The following DAB1 variants were observed in gnomAD, a reference collection of about 807,000 sequenced individuals.
The protein encoded by DAB1 is DAB adaptor protein 1, also known as disabled homolog 1.
A neutral mutation model predicts 64.6 loss-of-function variants in DAB1; 15 were observed. That is an observed-to-expected ratio of 0.23 (90% confidence interval 0.16 to 0.36). The LOEUF (loss-of-function observed/expected upper bound fraction) is 0.36, where lower values mean the gene tolerates loss of function less well. Among genes scored for constraint, DAB1 ranks in the 10% least tolerant of loss-of-function variants. The pLI, the probability that DAB1 is intolerant of heterozygous loss-of-function variation, is 1.00. For synonymous variants in DAB1, 235 were observed against 251.9 expected (o/e 0.93, Z 0.64); for missense variants, 596 against 706.7 (o/e 0.84, Z 1.78).
rs1157711297 is a variant in DAB1 at position 57,043,554 on chromosome 1, A to T, written c.724-17511T>A. On this transcript the variant is annotated intron_variant, in intron 9 of 14. Transcript: ENST00000371236. ...GAGAGGTCAAAGTGGTCTTTAAAAA[A>T]TATCAGATGAGGCCGGGCGCGGCGG... 2.0e-5 allele frequency among the ~76,000 whole-genome samples: 3 copies of T among 152,348 alleles called. No individual in the cohort carries two copies. The East Asian group carries it at 5.8e-4, about 29-fold the overall frequency.
intron 5 of DAB1, among the ~76,000 whole-genome samples, chr1:57,896,575 G>A (rs1644395263): frequency 6.6e-6 from 1 of 152,094 alleles, no homozygotes; most frequent in South Asian, 2.1e-4. Flanking sequence ...ACCAGTCTCT[G>A]ACCAAACCCC....
chr1:57,032,730 A>G (rs774491116), intron 9 of DAB1, among the ~76,000 whole-genome samples: 40 of 152,176 alleles, frequency 2.6e-4, no homozygotes, highest in Non-Finnish European at 4.7e-4. Context: ...GATGATTCCA[A>G]TTTGATGCCA....
At position 58,183,830 on chromosome 1, in the gene DAB1, C is replaced by T. The variant is rs138286900; in HGVS notation, n.310-33242G>A. ...CCCCCAGATTGTACAGCCACTAATG[C>T]TTGCAATCAGTTTTTCTTTTATTCC... On this transcript the variant is annotated intron_variant and non_coding_transcript_variant, in intron 4 of 20. Transcript: ENST00000485760. Among the ~76,000 whole-genome samples, 9 of 152,120 alleles carry T rather than the reference C, an allele frequency of 5.9e-5. No homozygotes were observed. The East Asian group carries it at 1.7e-3, about 29-fold the overall frequency.
intron 5 of DAB1, among the ~76,000 whole-genome samples, chr1:57,989,693 G>A (rs1032081588): frequency 1.3e-5 from 2 of 152,126 alleles, no homozygotes; most frequent in African/African-American, 2.4e-5. Context: ...CAAACATGGG[G>A]CACCAGGGCT....
intron 6 of DAB1, among the ~76,000 whole-genome samples, chr1:57,691,727 G>C (rs926575533): frequency 3.3e-5 from 5 of 152,110 alleles, no homozygotes; most frequent in African/African-American, 1.2e-4. Flanking sequence ...CTTCATTCTT[G>C]AAGTCAGCAA....
chr1:57,612,136 C>T (rs149907510), intron 7 of DAB1, among the ~76,000 whole-genome samples: 69 of 152,202 alleles, frequency 4.5e-4, no homozygotes, highest in Non-Finnish European at 7.4e-4. Context: ...AAAATAGCTC[C>T]TGTCTTGCTC....
At chr1:57,884,370 G>A (rs527679951), upstream of DAB1, among the ~76,000 whole-genome samples, 2 of 152,176 alleles carry the variant, frequency 1.3e-5, no homozygotes, top group African/African-American at 4.8e-5. Flanking sequence ...AACTTGTGAG[G>A]GTCTCTGTGC....
At chr1:57,162,240 A>G (rs1660824712) in intron 2 of DAB1, among the ~76,000 whole-genome samples, 1 of 152,176 alleles carries the variant, frequency 6.6e-6, no homozygotes, top group Non-Finnish European at 1.5e-5. Context: ...TGCAAAATTT[A>G]CCTCTCTGGT....
intron 5 of DAB1, among the ~76,000 whole-genome samples, chr1:58,017,844 G>T (rs749358343): frequency 3.3e-5 from 5 of 152,312 alleles, no homozygotes; most frequent in Non-Finnish European, 7.3e-5. Flanking sequence ...TCTAGGTGGG[G>T]CTGGAAGACA....
intron 5 of DAB1, among the ~76,000 whole-genome samples, chr1:58,108,701 G>A (rs1651805293): frequency 6.6e-6 from 1 of 152,114 alleles, no homozygotes; most frequent in Admixed American, 6.5e-5. Flanking sequence ...TTATTCTGGG[G>A]AATGGCTTCA....
intron 3 of DAB1, among the ~76,000 whole-genome samples, chr1:58,396,194 C>A (rs544719041): frequency 9.9e-4 from 150 of 152,118 alleles, no homozygotes; most frequent in Admixed American, 4.8e-3. Context: ...CACTTCAAGT[C>A]CGCTGCACTG....
intron 7 of DAB1, among the ~76,000 whole-genome samples, chr1:57,455,746 A>C (rs1686565559): frequency 6.6e-6 from 1 of 152,142 alleles, no homozygotes; most frequent in Admixed American, 6.6e-5. Flanking sequence ...AAGCTGCATC[A>C]TTCATAATCC....
chr1:57,965,648 T>C (rs1645645835), intron 5 of DAB1, among the ~76,000 whole-genome samples: 1 of 152,158 alleles, frequency 6.6e-6, no homozygotes, highest in African/African-American at 2.4e-5. Context: ...CATCCACAGT[T>C]TGGAAGCCCC....
At chr1:57,868,752 C>A (rs897168549) in intron 1 of DAB1, among the ~76,000 whole-genome samples, 7 of 152,066 alleles carry the variant, frequency 4.6e-5, no homozygotes, top group African/African-American at 1.7e-4. Flanking sequence ...GCACTTTATG[C>A]CCTTTGAATG....
At chr1:57,650,464 T>TA (rs11408965) in intron 6 of DAB1, among the ~76,000 whole-genome samples, 120,097 of 151,814 alleles carry the variant, frequency 0.79, 47,832 homozygotes, top group Non-Finnish European at 0.84. Context: ...AATAGAGGAA[T>TA]AAAAAAAATT....
intron 1 of DAB1, among the ~76,000 whole-genome samples, chr1:57,393,847 C>T (rs1682592042): frequency 1.3e-5 from 2 of 152,136 alleles, no homozygotes; most frequent in African/African-American, 4.8e-5. Context: ...ATATATCCTG[C>T]CGGGTCAAAA....
At chr1:57,471,218 T>C (rs1687123045) in intron 7 of DAB1, among the ~76,000 whole-genome samples, 1 of 152,198 alleles carries the variant, frequency 6.6e-6, no homozygotes, top group South Asian at 2.1e-4. Context: ...TACCTGGTAA[T>C]ACAATCTGTC....
chr1:57,490,300 G>T (rs1344087478), intron 7 of DAB1, among the ~76,000 whole-genome samples: 1 of 151,976 alleles, frequency 6.6e-6, no homozygotes, highest in Non-Finnish European at 1.5e-5. Flanking sequence ...GAAGACCTAG[G>T]CTTTGGGTAG....
At chr1:58,166,639 CTA>C (rs1419009321) in intron 4 of DAB1, among the ~76,000 whole-genome samples, 1 of 151,996 alleles carries the variant, frequency 6.6e-6, no homozygotes, top group Non-Finnish European at 1.5e-5. Context: ...ACATGTTTTC[CTA>C]TATGTTTTCA....
Sources: allele counts gnomAD v4.1 joint callset (sites outside exome capture counted in the v4.1 genomes callset), GRCh38; gene constraint gnomAD v4.1.1; transcripts MANE v1.5; gene names NCBI Gene and HGNC (gene_info 2026-07-23, HGNC 2026-07-21).